ARHGAP10: variants seen among roughly 807,000 people sequenced by gnomAD.
The protein encoded by ARHGAP10 is Rho GTPase activating protein 10.
Under a neutral mutation model 108.6 loss-of-function variants are expected in ARHGAP10, and 87 were observed. The ratio of observed to expected loss-of-function variants is 0.80; its 90% CI spans 0.67 to 0.96. The LOEUF (loss-of-function observed/expected upper bound fraction) is 0.96. ARHGAP10 is among the 40% of genes least tolerant of loss of function. The pLI, the probability that ARHGAP10 is intolerant of heterozygous loss-of-function variation, is 0.00. For missense variants in ARHGAP10, 939 were observed against 954.5 expected, an observed-to-expected ratio of 0.98 and a Z score of 0.21; for synonymous variants, 347 against 341.1, an observed-to-expected ratio of 1.02 and a Z score of -0.19.
chr4:147,881,836 A>AGG lies in ARHGAP10; in HGVS notation c.942_943dup, dbSNP rs768358224. 6.2e-7 allele frequency: 1 copy of AGG among 1,613,302 alleles called. No individual in the cohort carries two copies. The highest frequency in any genetic ancestry group is 8.5e-7 in the Non-Finnish European group (1 of 1,179,656). ...GAGAATGTTCAAAATGATTATTTGC[A>AGG]GGGGGACGGAGAGGTGTTCTTTTTG... On this transcript the variant is annotated splice_acceptor_variant, in intron 9 of 22. Transcript: ENST00000336498. LOFTEE classifies it high-confidence loss of function.
At chr4:147,987,116 G>A (rs754947315) in intron 18 of ARHGAP10, among the ~76,000 whole-genome samples, 1 of 152,234 alleles carries the variant, frequency 6.6e-6, no homozygotes, top group Non-Finnish European at 1.5e-5. Flanking sequence ...GATAGACTAA[G>A]TGGGGAAAGA....
chr4:147,973,511 C>T (rs1324123595), intron 18 of ARHGAP10, among the ~76,000 whole-genome samples: 1 of 152,150 alleles, frequency 6.6e-6, no homozygotes, highest in Non-Finnish European at 1.5e-5. Flanking sequence ...CCACCTCAAG[C>T]ATTTATCCAT....
intron 16 of ARHGAP10, among the ~76,000 whole-genome samples, chr4:147,957,459 G>T (rs547938064): frequency 4.6e-5 from 7 of 152,252 alleles, no homozygotes; most frequent in African/African-American, 1.7e-4. Context: ...CCTTTTGAAT[G>T]CTGTTGGAAA....
chr4:147,753,080 T>C (rs1579001595), intron 1 of ARHGAP10, among the ~76,000 whole-genome samples: 1 of 152,312 alleles, frequency 6.6e-6, no homozygotes, highest in East Asian at 1.9e-4. Context: ...ATAGTATCAG[T>C]GAAGACACTG....
At position 148,017,678 on chromosome 4, in the gene ARHGAP10, A is replaced by G. The variant is rs200950929; in HGVS notation, c.1717-5585A>G. Reference sequence around the variant, plus strand: ...TATATATATATATATATATATATATATATATGTGTGTGTATGTAAAGGAAT... The same window carrying G: ...TATATATATATATATATATATATATGTATATGTGTGTGTATGTAAAGGAAT... On this transcript the variant is annotated intron_variant, in intron 18 of 22. Transcript: ENST00000336498. 4.0e-3 allele frequency among the ~76,000 whole-genome samples: 463 copies of G among 115,286 alleles called. 8 individuals carry two copies. Among genetic ancestry groups the G allele is most frequent in the African/African-American group, 0.013 (334 of 24,764 alleles). The allele number at this position is 115,286 out of a possible 152,430, so 75.6% of individuals were successfully genotyped here.
chr4:147,811,457 A>G (rs1387398379), intron 1 of ARHGAP10, among the ~76,000 whole-genome samples: 3 of 152,214 alleles, frequency 2.0e-5, no homozygotes, highest in Admixed American at 1.3e-4. Flanking sequence ...ACTTGTAAGC[A>G]TGGCCACATT....
chr4:148,071,639 A>C (rs1417764363), intron 22 of ARHGAP10, among the ~76,000 whole-genome samples: 1 of 35,754 alleles, frequency 2.8e-5, no homozygotes, highest in Non-Finnish European at 8.4e-5. Context: ...ACAAACAAAC[A>C]AAAAAAAACA....
intron 18 of ARHGAP10, among the ~76,000 whole-genome samples, chr4:148,002,952 G>A (rs1740788529): frequency 6.6e-6 from 1 of 152,082 alleles, no homozygotes; most frequent in African/African-American, 2.4e-5. Flanking sequence ...CTTGCCTTCT[G>A]CTAGCTTTTG....
chr4:147,952,426 G>C (rs1384900460), intron 15 of ARHGAP10, among the ~76,000 whole-genome samples: 1 of 152,086 alleles, frequency 6.6e-6, no homozygotes, highest in Non-Finnish European at 1.5e-5. Context: ...TCTTAAGCTG[G>C]TCAATCTTTT....
intron 1 of ARHGAP10, among the ~76,000 whole-genome samples, chr4:147,809,496 T>C (rs1261887092): frequency 6.6e-6 from 1 of 152,208 alleles, no homozygotes; most frequent in Non-Finnish European, 1.5e-5. Flanking sequence ...ATTCAACATG[T>C]AAACTCCAAT....
chr4:147,885,010 T>G (rs1735485355), intron 10 of ARHGAP10, among the ~76,000 whole-genome samples: 1 of 152,040 alleles, frequency 6.6e-6, no homozygotes. Context: ...ATTGGTGTGG[T>G]GGCAGTGGGG....
chr4:147,856,986 G>A (rs1734115243), intron 4 of ARHGAP10, among the ~76,000 whole-genome samples: 1 of 152,140 alleles, frequency 6.6e-6, no homozygotes, highest in Non-Finnish European at 1.5e-5. Context: ...CTGAGTAGCT[G>A]GGATTACAGG....
chr4:147,732,259 A>G lies in ARHGAP10; in HGVS notation c.-43A>G, dbSNP rs775082456. ...AGCGGCCTCGGAGCTCGGCTCGGGC[A>G]GGAGCGCGCGGCCGTGCGCACCGCG... On this transcript the variant is annotated 5_prime_UTR_variant, in exon 1 of 23. Coordinates refer to ENST00000336498, the MANE Select transcript of ARHGAP10 (RefSeq NM_024605.4). 5.9e-6 allele frequency: 9 copies of G among 1,514,424 alleles called. No homozygotes were observed. In the South Asian group the frequency reaches 7.9e-5, roughly 13 times the overall value. 93.8% of individuals were successfully genotyped at this position (1,514,424 alleles called of 1,614,324 possible).
intron 1 of ARHGAP10, among the ~76,000 whole-genome samples, chr4:147,768,236 C>T (rs146281820): frequency 7.6e-4 from 116 of 152,308 alleles, no homozygotes; most frequent in African/African-American, 2.6e-3. Context: ...GGCCCTCCCC[C>T]TGGTTCCTGC....
chr4:147,903,277 T>C (rs1003785170), intron 10 of ARHGAP10, among the ~76,000 whole-genome samples: 1 of 152,158 alleles, frequency 6.6e-6, no homozygotes, highest in Non-Finnish European at 1.5e-5. Flanking sequence ...GGGACAACTC[T>C]GCATTCAAAA....
chr4:147,911,589 C>T (rs1487562297), intron 12 of ARHGAP10, among the ~76,000 whole-genome samples: 1 of 152,106 alleles, frequency 6.6e-6, no homozygotes, highest in Non-Finnish European at 1.5e-5. Flanking sequence ...GTCTTGATCT[C>T]CTGACTTCGT....
chr4:147,841,935 C>T (rs943098430), intron 3 of ARHGAP10, among the ~76,000 whole-genome samples: 5 of 151,996 alleles, frequency 3.3e-5, no homozygotes, highest in East Asian at 3.9e-4. Flanking sequence ...TATATTCTTC[C>T]TCCCACGTCA....
chr4:147,853,341 A>G (rs1733952113), intron 4 of ARHGAP10, among the ~76,000 whole-genome samples: 1 of 152,248 alleles, frequency 6.6e-6, no homozygotes, highest in South Asian at 2.1e-4. Context: ...AAATGATGCT[A>G]TTCAAGGACC....
intron 18 of ARHGAP10, among the ~76,000 whole-genome samples, chr4:147,996,386 A>G (rs1377658924): frequency 6.6e-6 from 1 of 152,204 alleles, no homozygotes; most frequent in Non-Finnish European, 1.5e-5. Context: ...TTTGTTTCCT[A>G]CCCTCATAAC....
Sources: allele counts gnomAD v4.1 joint callset (sites outside exome capture counted in the v4.1 genomes callset), GRCh38; gene constraint gnomAD v4.1.1; transcripts MANE v1.5; gene names NCBI Gene and HGNC (gene_info 2026-07-23, HGNC 2026-07-21).